TNPO3: variants seen among roughly 807,000 people sequenced by gnomAD.
TNPO3 encodes the protein transportin-3.
A neutral mutation model predicts 122.8 loss-of-function variants in TNPO3; 65 were observed. That is an observed-to-expected ratio of 0.53 (90% CI 0.43 to 0.65). The LOEUF is 0.65. Among genes scored for constraint, TNPO3 ranks in the 30% least tolerant of loss-of-function variants. The pLI is 0.00. For synonymous variants in TNPO3, 372 were observed against 411.2 expected (o/e 0.90, Z 1.15); for missense variants, 850 against 1,136.7 (o/e 0.75, Z 3.63).
chr7:128,986,646 G>T, intron 12 of TNPO3, 83 bp downstream of exon 12: 1 of 1,340,510 alleles, frequency 7.5e-7, no homozygotes, highest in Non-Finnish European at 1.0e-6. Context: ...CATTGCAACT[G>T]AAAAACTGGG....
At chr7:128,972,891 G>C (rs1044400651) in intron 18 of TNPO3, among the ~76,000 whole-genome samples, 2 of 152,096 alleles carry the variant, frequency 1.3e-5, no homozygotes, top group Non-Finnish European at 2.9e-5. Flanking sequence ...GTCACTGTTT[G>C]TATTACTCTG....
At position 129,051,736 on chromosome 7, in the gene TNPO3, T is replaced by C. The variant is rs556378288; in HGVS notation, c.120+2915A>G. Among the ~76,000 whole-genome samples the C allele has an allele frequency of 1.1e-4, 16 of 152,292 alleles. No individual in the cohort carries two copies. The South Asian group carries it at 3.1e-3, about 30-fold the overall frequency. On this transcript the variant is annotated intron_variant, in intron 1 of 22. Transcript: ENST00000265388. ...TCAGCTCACTGCAACCTCCACCTCC[T>C]GGGTTCAAGAGATTCTCCTGCCTCA...
intron 1 of TNPO3, among the ~76,000 whole-genome samples, chr7:129,047,768 C>T (rs1808228631): frequency 6.6e-6 from 1 of 152,200 alleles, no homozygotes; most frequent in South Asian, 2.1e-4. Context: ...TAGCAAACCA[C>T]ACAAATTCTA....
At chr7:128,967,001 C>T (rs1797986852) in intron 21 of TNPO3, among the ~76,000 whole-genome samples, 1 of 152,186 alleles carries the variant, frequency 6.6e-6, no homozygotes, top group Admixed American at 6.5e-5. Flanking sequence ...GACAGATCTC[C>T]TGACGGGGAG....
chr7:128,994,130 A>G (rs113068785), intron 8 of TNPO3, among the ~76,000 whole-genome samples: 2 of 152,150 alleles, frequency 1.3e-5, no homozygotes, highest in African/African-American at 4.8e-5. Context: ...ACCAGGAGAA[A>G]ATCTTTGGTT....
intron 1 of TNPO3, among the ~76,000 whole-genome samples, chr7:129,044,394 A>G (rs549986033): frequency 1.3e-5 from 2 of 152,366 alleles, no homozygotes; most frequent in Admixed American, 1.3e-4. Flanking sequence ...TAGAAAAAAG[A>G]ATTGTGCTGT....
chr7:128,986,028 A>C (rs901876429), intron 12 of TNPO3, among the ~76,000 whole-genome samples: 1 of 152,224 alleles, frequency 6.6e-6, no homozygotes, highest in Admixed American at 6.5e-5. Flanking sequence ...AGGGCACCCC[A>C]ATCTGTGTTC....
At chr7:129,001,312 G>C in intron 5 of TNPO3, 78 bp from the exon 6 acceptor site, 1 of 1,186,836 alleles carries the variant, frequency 8.4e-7, no homozygotes, top group South Asian at 2.0e-5. Context: ...GCACACCCTA[G>C]GGTTCAATCA....
rs146089635 is a variant in TNPO3 at position 129,020,842 on chromosome 7, G to A, written c.121-2685C>T. On this transcript the variant is annotated intron_variant, in intron 1 of 22. Coordinates refer to ENST00000265388, the MANE Select transcript of TNPO3 (RefSeq NM_012470.4). ...TTAGATAGCAACAAAACTAGGTGTT[G>A]TCTAGTTATCTCCAAGGGTATCTAC... 2.6e-5 allele frequency among the ~76,000 whole-genome samples: 4 copies of A among 152,282 alleles called. No individual in the cohort carries two copies. In the East Asian group the frequency reaches 7.7e-4, roughly 29 times the overall value.
At chr7:129,021,745 G>A in intron 1 of TNPO3, among the ~76,000 whole-genome samples, 1 of 152,012 alleles carries the variant, frequency 6.6e-6, no homozygotes, top group Non-Finnish European at 1.5e-5. Context: ...ACTTCAAAAT[G>A]AGCTAAACAA....
chr7:129,011,697 AGAT>A lies in TNPO3; in HGVS notation c.552+3279_552+3281del, dbSNP rs533479631. Among the ~76,000 whole-genome samples, 3 of 152,354 alleles carry A rather than the reference AGAT, an allele frequency of 2.0e-5. No individual in the cohort carries two copies. The South Asian group carries it at 6.2e-4, about 32-fold the overall frequency. ...AATGTGAATATGGTCTGGGTTTATC[AGAT>A]GATATGAAAACTTACTAACTTGAAA... On this transcript the variant is annotated intron_variant, in intron 4 of 22. Coordinates refer to ENST00000265388, the MANE Select transcript of TNPO3 (RefSeq NM_012470.4).
chr7:128,972,667 G>T, intron 18 of TNPO3, 85 bp from the exon 19 acceptor site: 1 of 1,253,300 alleles, frequency 8.0e-7, no homozygotes, highest in Non-Finnish European at 1.1e-6. Context: ...TATGAAGACA[G>T]TAAAAAAGAT....
intron 19 of TNPO3, 67 bp downstream of exon 19, chr7:128,972,359 C>T: frequency 1.3e-6 from 2 of 1,530,000 alleles, no homozygotes; most frequent in Non-Finnish European, 1.8e-6. Flanking sequence ...TGGTTTTCTC[C>T]TAAGGAATGA....
intron 20 of TNPO3, among the ~76,000 whole-genome samples, chr7:128,968,354 C>A (rs1460311859): frequency 2.0e-5 from 3 of 152,062 alleles, no homozygotes; most frequent in Non-Finnish European, 4.4e-5. Context: ...TCTCTTTATG[C>A]CTTTTCTATG....
chr7:129,015,719 G>A (rs1335937292), intron 3 of TNPO3, among the ~76,000 whole-genome samples: 1 of 152,086 alleles, frequency 6.6e-6, no homozygotes. Flanking sequence ...TGTAATCCCA[G>A]CTACTCGGGA....
At chr7:129,038,417 T>C (rs983778686) in intron 1 of TNPO3, among the ~76,000 whole-genome samples, 5 of 152,172 alleles carry the variant, frequency 3.3e-5, no homozygotes, top group African/African-American at 4.8e-5. Flanking sequence ...TGGAAAGCAA[T>C]GTGGCGATTC....
In TNPO3 at chr7:128,959,747, C is replaced by T. The variant is rs183982401; in HGVS notation, c.2712-2432G>A. Among the ~76,000 whole-genome samples, 218 of 152,212 alleles carry T rather than the reference C, an allele frequency of 1.4e-3. 1 individual carries two copies. The highest frequency in any genetic ancestry group is 6.8e-3 in the Middle Eastern group (2 of 294). ...GATCAAAAAGCTCCTTGAGGCCGGG[C>T]GCGGTGGCTCACACCTGTAATCGCA... is the stretch of plus-strand genomic sequence containing the variant. On this transcript the variant is annotated intron_variant, in intron 21 of 22. Coordinates refer to ENST00000265388, the MANE Select transcript of TNPO3 (RefSeq NM_012470.4).
At position 129,005,238 on chromosome 7, in the gene TNPO3, A is replaced by G. The variant is rs11768572; in HGVS notation, c.553-79T>C. 7.7e-6 allele frequency: 10 copies of G among 1,298,220 alleles called. No individual in the cohort carries two copies. In the African/African-American group the frequency reaches 1.5e-4, roughly 20 times the overall value. 80.4% of individuals were successfully genotyped at this position (1,298,220 alleles called of 1,614,324 possible). ...ATTATTTCAATCACCTTACAAGTAT[A>G]ATAATGAGAAAGATGGCAATAAAAC... On this transcript the variant is annotated intron_variant, in intron 4 of 22. Transcript: ENST00000265388.
rs111710170 is a variant in TNPO3, at chr7:129,026,239, A to G, written c.121-8082T>C. 4.5e-3 allele frequency among the ~76,000 whole-genome samples: 692 copies of G among 152,266 alleles called. 4 individuals carry two copies. The highest frequency in any genetic ancestry group is 0.031 in the Middle Eastern group (9 of 294). On this transcript the variant is annotated intron_variant, in intron 1 of 22. Coordinates refer to ENST00000265388, the MANE Select transcript of TNPO3 (RefSeq NM_012470.4). Reference sequence around the variant, plus strand: ...AACATTTCTATCTCCTTAAAAGTAGAGACCTCAAAAATGAAGGGCAGAAGC... The same window carrying G: ...AACATTTCTATCTCCTTAAAAGTAGGGACCTCAAAAATGAAGGGCAGAAGC...
Sources: allele counts gnomAD v4.1 joint callset (sites outside exome capture counted in the v4.1 genomes callset), GRCh38; gene constraint gnomAD v4.1.1; transcripts MANE v1.5; gene names NCBI Gene and HGNC (gene_info 2026-07-23, HGNC 2026-07-21).